ERBIN: variants seen among roughly 807,000 people sequenced by gnomAD.
ERBIN encodes the protein erbb2 interacting protein, also known as densin-180-like protein.
Under a neutral mutation model 158.4 loss-of-function variants are expected in ERBIN, and 60 were observed. That is an observed-to-expected ratio of 0.38 (90% CI 0.31 to 0.47). ERBIN has a LOEUF of 0.47. ERBIN is among the 20% of genes least tolerant of loss of function. The probability of loss-of-function intolerance (pLI) is 0.99; values close to 1 mark genes in which losing one functional copy is unlikely to be tolerated. For missense variants in ERBIN, 1,610 were observed against 1,648.0 expected (o/e 0.98, Z 0.40); for synonymous variants, 594 against 557.2 (o/e 1.07, Z -0.93).
intron 1 of ERBIN, among the ~76,000 whole-genome samples, chr5:65,957,262 G>T (rs533501912): frequency 2.0e-5 from 3 of 150,570 alleles, no homozygotes; most frequent in Non-Finnish European, 2.9e-5. Context: ...GGTGTTTCTC[G>T]CAGAGGGGGA....
intron 2 of ERBIN, among the ~76,000 whole-genome samples, chr5:65,991,596 G>A (rs1751876288): frequency 6.6e-6 from 1 of 152,086 alleles, no homozygotes; most frequent in Admixed American, 6.5e-5. Context: ...ATTTTTAAAA[G>A]TCGATTTTTA....
At chr5:66,039,189 C>T (rs955738009) in intron 15 of ERBIN, among the ~76,000 whole-genome samples, 1 of 151,870 alleles carries the variant, frequency 6.6e-6, no homozygotes, top group African/African-American at 2.4e-5. Context: ...TCATTTCAAT[C>T]ATAAGTCTTA....
At chr5:65,940,802 C>T (rs1226393113) in intron 1 of ERBIN, among the ~76,000 whole-genome samples, 4 of 152,070 alleles carry the variant, frequency 2.6e-5, no homozygotes, top group African/African-American at 9.7e-5. Context: ...AGCCACCACC[C>T]CGTCTGGGAA....
chr5:65,956,236 G>A (rs1181794027), intron 1 of ERBIN, among the ~76,000 whole-genome samples: 7 of 151,976 alleles, frequency 4.6e-5, no homozygotes, highest in Non-Finnish European at 1.0e-4. Flanking sequence ...AGAAACTGAA[G>A]GCCCTTCGGG....
chr5:65,974,710 A>AT (rs1460980820), intron 1 of ERBIN, among the ~76,000 whole-genome samples: 2 of 152,228 alleles, frequency 1.3e-5, no homozygotes, highest in Non-Finnish European at 2.9e-5. Flanking sequence ...AGTACTTAGT[A>AT]TTTAAAAGGT....
intron 21 of ERBIN, among the ~76,000 whole-genome samples, chr5:66,069,298 T>C (rs949201841): frequency 1.3e-5 from 2 of 152,228 alleles, no homozygotes; most frequent in East Asian, 1.9e-4. Context: ...AAACTATTCT[T>C]TGTAGTATGT....
At chr5:65,972,061 C>T (rs1749309627) in intron 1 of ERBIN, among the ~76,000 whole-genome samples, 1 of 151,936 alleles carries the variant, frequency 6.6e-6, no homozygotes, top group African/African-American at 2.4e-5. Context: ...TTGTGGTAAC[C>T]TTTTCTCAGA....
chr5:66,018,812 T>A (rs1392881665), intron 7 of ERBIN, among the ~76,000 whole-genome samples: 3 of 149,920 alleles, frequency 2.0e-5, no homozygotes, highest in African/African-American at 7.3e-5. Context: ...AATTTTTGTA[T>A]TTTTAGTAGA....
chr5:65,977,435 T>G lies in ERBIN; in HGVS notation c.-57-11200T>G, dbSNP rs1490514329. ...GCCGGGCGGAGGGGCTCCTCACTTC[T>G]CGGACGGGGTGGTTGCCAGGCAGAG... On this transcript the variant is annotated intron_variant, in intron 1 of 25. Transcript: ENST00000284037. Among the ~76,000 whole-genome samples, 4 of 138,950 alleles carry G rather than the reference T, an allele frequency of 2.9e-5. No individual in the cohort carries two copies. The South Asian group carries it at 9.6e-4, about 33-fold the overall frequency. The allele number at this position is 138,950 out of a possible 152,430, so 91.2% of individuals were successfully genotyped here.
chr5:66,062,513 T>G (rs1015419606), intron 21 of ERBIN, among the ~76,000 whole-genome samples: 1 of 151,544 alleles, frequency 6.6e-6, no homozygotes, highest in Non-Finnish European at 1.5e-5. Context: ...CGGAGTAGTT[T>G]GATCTTCTGA....
chr5:66,026,295 C>A lies in ERBIN; in HGVS notation c.1021-7C>A. 6.4e-7 allele frequency: 1 copy of A among 1,561,936 alleles called. No individual in the cohort carries two copies. Among genetic ancestry groups the A allele is most frequent in the African/African-American group, 1.4e-5 (1 of 71,634 alleles). On this transcript the variant is annotated splice_polypyrimidine_tract_variant and splice_region_variant and intron_variant, in intron 12 of 25. Coordinates refer to ENST00000284037, the MANE Select transcript of ERBIN (RefSeq NM_001253697.2). ...TTTTTGATACTCAGTTTATATTTCT[C>A]TTTCAGATTGGAAGCTGGAAAAATA...
intron 1 of ERBIN, among the ~76,000 whole-genome samples, chr5:65,964,632 A>G (rs1748320889): frequency 6.6e-6 from 1 of 152,034 alleles, no homozygotes; most frequent in African/African-American, 2.4e-5. Context: ...GATAGCCAAC[A>G]TTTGTATGAC....
chr5:66,038,008 G>T (rs555960647), intron 14 of ERBIN, among the ~76,000 whole-genome samples: 25 of 152,102 alleles, frequency 1.6e-4, no homozygotes, highest in African/African-American at 5.8e-4. Flanking sequence ...TTAGTGAAGG[G>T]GAATACTAGA....
intron 1 of ERBIN, among the ~76,000 whole-genome samples, chr5:65,957,103 A>T (rs1198617419): frequency 6.6e-6 from 1 of 152,174 alleles, no homozygotes; most frequent in Non-Finnish European, 1.5e-5. Context: ...TTTTGCTATT[A>T]TAATTTAACC....
chr5:66,045,420 T>TA (rs1473734432), intron 17 of ERBIN, among the ~76,000 whole-genome samples: 1 of 146,942 alleles, frequency 6.8e-6, no homozygotes, highest in Non-Finnish European at 1.5e-5. Context: ...AGCCTATATG[T>TA]AATATAGTAT....
intron 23 of ERBIN, among the ~76,000 whole-genome samples, chr5:66,075,814 T>G (rs1027952118): frequency 2.6e-5 from 4 of 152,162 alleles, no homozygotes; most frequent in African/African-American, 9.7e-5. Flanking sequence ...AACTCTCAAT[T>G]GGTCATGTTT....
At chr5:66,037,126 T>G (rs79454572) in intron 14 of ERBIN, among the ~76,000 whole-genome samples, 2 of 152,142 alleles carry the variant, frequency 1.3e-5, no homozygotes, top group Admixed American at 1.3e-4. Flanking sequence ...GGGGCTTATT[T>G]TTTTCTTCTC....
chr5:66,067,204 C>T (rs10057684), intron 21 of ERBIN, among the ~76,000 whole-genome samples: 2,667 of 152,150 alleles, frequency 0.018, 82 homozygotes, highest in African/African-American at 0.062. Context: ...ATAAGTTTAG[C>T]TTTTTCTTTA....
At chr5:65,965,607 A>G (rs146205425) in intron 1 of ERBIN, among the ~76,000 whole-genome samples, 5 of 151,840 alleles carry the variant, frequency 3.3e-5, no homozygotes, top group African/African-American at 1.2e-4. Flanking sequence ...TGGTCAGGCT[A>G]ATCTTGAACT....
Sources: allele counts gnomAD v4.1 joint callset (sites outside exome capture counted in the v4.1 genomes callset), GRCh38; gene constraint gnomAD v4.1.1; transcripts MANE v1.5; gene names NCBI Gene and HGNC (gene_info 2026-07-23, HGNC 2026-07-21).